PLD1: variants seen among roughly 807,000 people sequenced by gnomAD.
PLD1 encodes phospholipase D1.
Under a neutral mutation model 137.1 loss-of-function variants are expected in PLD1, and 112 were observed. The observed-to-expected ratio is 0.82, with a 90% CI of 0.70 to 0.96. PLD1 has a LOEUF of 0.96. PLD1 is among the 40% of genes least tolerant of loss of function. The pLI, the probability that PLD1 is intolerant of heterozygous loss-of-function variation, is 0.00. For synonymous variants in PLD1, 431 were observed against 454.7 expected (o/e 0.95, Z 0.66); for missense variants, 1,321 against 1,342.0 (o/e 0.98, Z 0.24).
chr3:171,746,170 C>T (rs956030154), intron 1 of PLD1, among the ~76,000 whole-genome samples: 4 of 152,344 alleles, frequency 2.6e-5, no homozygotes, highest in Admixed American at 6.5e-5. Flanking sequence ...CCCTCCCCTC[C>T]GCGGGCTCCC....
intron 1 of PLD1, among the ~76,000 whole-genome samples, chr3:171,800,614 C>G (rs920089579): frequency 3.3e-5 from 5 of 152,316 alleles, no homozygotes; most frequent in Admixed American, 3.3e-4. Context: ...CTGTCTACAT[C>G]CCTGGACCCA....
chr3:171,720,233 G>C (rs1046820800), intron 8 of PLD1, among the ~76,000 whole-genome samples: 3 of 147,408 alleles, frequency 2.0e-5, no homozygotes, highest in South Asian at 4.3e-4. Context: ...GGTCGAGGCT[G>C]CAGTGAGCCG....
intron 1 of PLD1, among the ~76,000 whole-genome samples, chr3:171,798,998 G>A (rs1185387800): frequency 6.6e-6 from 1 of 152,190 alleles, no homozygotes; most frequent in Non-Finnish European, 1.5e-5. Context: ...CCTTCGACCA[G>A]ATTATCTGGT....
chr3:171,676,663 T>C, intron 18 of PLD1, 52 bp downstream of exon 18: 4 of 1,381,580 alleles, frequency 2.9e-6, no homozygotes, highest in Non-Finnish European at 4.1e-6. Flanking sequence ...TCTTCTCTAG[T>C]TAGGCCTGCC....
chr3:171,618,858 C>CCTGTGTGT (rs1553799873), intron 24 of PLD1, among the ~76,000 whole-genome samples: 1 of 135,490 alleles, frequency 7.4e-6, no homozygotes, highest in African/African-American at 2.6e-5. Context: ...AGTGTGTGTG[C>CCTGTGTGT]GTGTGTGTGT....
chr3:171,740,715 T>G (rs1719718739), intron 1 of PLD1, among the ~76,000 whole-genome samples: 2 of 152,196 alleles, frequency 1.3e-5, no homozygotes, highest in South Asian at 4.1e-4. Flanking sequence ...CATATTCACT[T>G]ATGAAAAACT....
rs769801782 is a variant in PLD1, at chr3:171,662,073, T to G, written c.2327A>C (p.Tyr776Ser). The change falls in exon 20 of 27, where the codon TAT becomes TCT. Residue 776 changes from tyrosine to serine, a missense_variant. By Grantham distance (144) the Tyr-to-Ser change is moderately radical. Transcript: ENST00000351298. ...AGCAAGACTTACTTCGATATAGATA[T>G]AGTGCCTGCTGTTCTCTATCACATG... ...YVHVIENSRH[Y>S]IYIENQFFIS... 1.9e-6 allele frequency: 3 copies of G among 1,590,880 alleles called. No individual in the cohort carries two copies. In the South Asian group the frequency reaches 3.3e-5, roughly 18 times the overall value.
At chr3:171,779,622 G>T (rs1479216408) in intron 1 of PLD1, among the ~76,000 whole-genome samples, 1 of 152,144 alleles carries the variant, frequency 6.6e-6, no homozygotes, top group Non-Finnish European at 1.5e-5. Context: ...CTGGGGTTTG[G>T]ATATGTAAGT....
At chr3:171,659,397 C>G in intron 20 of PLD1, 96 bp from the exon 21 acceptor site, 1 of 839,596 alleles carries the variant, frequency 1.2e-6, no homozygotes, top group Non-Finnish European at 2.0e-6. Flanking sequence ...ATGTTTCACA[C>G]AGCAGATGTG....
chr3:171,677,447 T>A (rs546632519), intron 17 of PLD1, 119 bp downstream of exon 17: 5 of 1,032,916 alleles, frequency 4.8e-6, no homozygotes, highest in Non-Finnish European at 7.0e-6. Flanking sequence ...TTTTAAAAAA[T>A]TTTCAAAAAT....
At chr3:171,709,530 C>T in intron 10 of PLD1, 30 bp downstream of exon 10, 1 of 1,605,464 alleles carries the variant, frequency 6.2e-7, no homozygotes, top group Non-Finnish European at 8.5e-7. Context: ...CTATGACTGC[C>T]TTGACAGGCT....
At position 171,677,777 on chromosome 3, in the gene PLD1, C is replaced by A. The variant is rs1195384822; in HGVS notation, c.1868-83G>T. 5.2e-6 allele frequency: 7 copies of A among 1,335,352 alleles called. No individual in the cohort carries two copies. In the East Asian group the frequency reaches 9.3e-5, roughly 18 times the overall value. 82.7% of individuals were successfully genotyped at this position (1,335,352 alleles called of 1,614,324 possible). A position where few individuals can be genotyped will look rare whatever the true frequency, so the allele number is the denominator to read the frequency against. The stretch of plus-strand genomic sequence containing the variant: ...AGGCTCAACTCTCATTTATTAAACA[C>A]CTAAAAGCTTCTTAATTTCTTAAGA... On this transcript the variant is annotated intron_variant, in intron 16 of 26. Transcript: ENST00000351298.
intron 1 of PLD1, among the ~76,000 whole-genome samples, chr3:171,805,180 C>T (rs2108361649): frequency 6.6e-6 from 1 of 152,142 alleles, no homozygotes; most frequent in South Asian, 2.1e-4. Context: ...GGCTGGTTTT[C>T]TTTTGTGCGT....
chr3:171,717,532 G>A (rs1255974775), intron 8 of PLD1, among the ~76,000 whole-genome samples: 2 of 152,144 alleles, frequency 1.3e-5, no homozygotes, highest in Non-Finnish European at 2.9e-5. Flanking sequence ...TGGCTTGATT[G>A]TTGTTGGTGT....
intron 7 of PLD1, among the ~76,000 whole-genome samples, chr3:171,725,359 T>C (rs1334453299): frequency 1.3e-5 from 2 of 152,202 alleles, no homozygotes; most frequent in African/African-American, 4.8e-5. Context: ...TCTGTGTCTC[T>C]TCACACCCAG....
At chr3:171,663,376 T>C (rs1476810835) in intron 19 of PLD1, among the ~76,000 whole-genome samples, 1 of 152,244 alleles carries the variant, frequency 6.6e-6, no homozygotes, top group Admixed American at 6.5e-5. Flanking sequence ...TTACTGGCTG[T>C]TGATCGTGTT....
chr3:171,626,282 C>T (rs1023947938), intron 23 of PLD1, among the ~76,000 whole-genome samples: 6 of 151,902 alleles, frequency 3.9e-5, no homozygotes, highest in Non-Finnish European at 5.9e-5. Context: ...TGAAATGAAG[C>T]GAGAAGGGAA....
Position 171,601,715 on chromosome 3 carries a change from G to A in PLD1, c.*1363C>T, listed in dbSNP as rs1731841542. ...TGAAGAACAACCCAAATGAGAGTAT[G>A]TCCAGGTAATCCATAGACATGTATA... On this transcript the variant is annotated 3_prime_UTR_variant, in exon 27 of 27. Transcript: ENST00000351298. The A allele has an allele frequency of 6.6e-6, 1 of 152,152 alleles. No individual in the cohort carries two copies. Among genetic ancestry groups the A allele is most frequent in the Admixed American group, 6.5e-5 (1 of 15,270 alleles). 9.4% of individuals were successfully genotyped at this position (152,152 alleles called of 1,614,324 possible). A position where few individuals can be genotyped will look rare whatever the true frequency, so the allele number is the denominator to read the frequency against.
At chr3:171,799,190 T>G (rs1259270494) in intron 1 of PLD1, among the ~76,000 whole-genome samples, 1 of 151,754 alleles carries the variant, frequency 6.6e-6, no homozygotes, top group Non-Finnish European at 1.5e-5. Flanking sequence ...AATACAAAAA[T>G]TAGCCGGGGG....
Sources: allele counts gnomAD v4.1 joint callset (sites outside exome capture counted in the v4.1 genomes callset), GRCh38; gene constraint gnomAD v4.1.1; transcripts MANE v1.5; gene names NCBI Gene and HGNC (gene_info 2026-07-23, HGNC 2026-07-21).